The following REDIC1 variants were observed in gnomAD, a reference collection of about 807,000 sequenced individuals.
The protein encoded by REDIC1 is HEI10 Interacting Protein 1.
the REDIC1 span, among the ~76,000 whole-genome samples, chr12:39,891,703 A>C: frequency 6.6e-6 from 1 of 152,132 alleles, no homozygotes; most frequent in Non-Finnish European, 1.5e-5. Context: ...TGGCTCAGAG[A>C]AGTTATGAAC....
chr12:39,706,752 G>T, the REDIC1 span, among the ~76,000 whole-genome samples: 1 of 152,034 alleles, frequency 6.6e-6, no homozygotes, highest in South Asian at 2.1e-4. Context: ...AACATGCACT[G>T]GGAAAAGACA....
At chr12:39,754,964 T>C in the REDIC1 span, 11 of 152,094 alleles carry the variant, frequency 7.2e-5, no homozygotes, top group African/African-American at 1.9e-4. Context: ...GCTTTAACTA[T>C]CATCTAACCT....
At chr12:39,672,989 A>G in the REDIC1 span, among the ~76,000 whole-genome samples, 3 of 152,072 alleles carry the variant, frequency 2.0e-5, no homozygotes, top group Non-Finnish European at 4.4e-5. Context: ...CTCAGAGCCC[A>G]TGAGGGTTGA....
chr12:39,660,093 T>C, the REDIC1 span, among the ~76,000 whole-genome samples: 1 of 152,186 alleles, frequency 6.6e-6, no homozygotes, highest in African/African-American at 2.4e-5. Context: ...TTTTCCCCCC[T>C]AGTGAGCTCC....
the REDIC1 span, among the ~76,000 whole-genome samples, chr12:39,871,229 A>G: frequency 1.3e-5 from 2 of 152,222 alleles, no homozygotes; most frequent in Non-Finnish European, 2.9e-5. Context: ...GGGAATTAAA[A>G]AAAAGGTTTT....
the REDIC1 span, among the ~76,000 whole-genome samples, chr12:39,727,606 C>G: frequency 6.7e-6 from 1 of 149,210 alleles, no homozygotes; most frequent in East Asian, 2.0e-4. Context: ...GCTATACGGG[C>G]TCTTTTTTGG....
chr12:39,725,906 T>G, the REDIC1 span, among the ~76,000 whole-genome samples: 1 of 152,014 alleles, frequency 6.6e-6, no homozygotes, highest in Non-Finnish European at 1.5e-5. Flanking sequence ...TTGTGTATTA[T>G]GTGGTTCAGT....
the REDIC1 span, among the ~76,000 whole-genome samples, chr12:39,679,287 C>G: frequency 5.8e-4 from 89 of 152,294 alleles, no homozygotes; most frequent in Non-Finnish European, 1.0e-3. Context: ...GCTCCTAGAT[C>G]TGATAAATGG....
chr12:39,803,205 A>G, the REDIC1 span, among the ~76,000 whole-genome samples: 1 of 87,534 alleles, frequency 1.1e-5, no homozygotes, highest in South Asian at 4.7e-4. Flanking sequence ...AAGCAAATGC[A>G]AAAAAAAAAA....
chr12:39,869,819 C>T, the REDIC1 span, among the ~76,000 whole-genome samples: 1 of 152,178 alleles, frequency 6.6e-6, no homozygotes, highest in Admixed American at 6.5e-5. Context: ...GCAACAAAGG[C>T]TCACTCTTTG....
At chr12:39,877,775 C>T in the REDIC1 span, among the ~76,000 whole-genome samples, 1 of 152,114 alleles carries the variant, frequency 6.6e-6, no homozygotes, top group African/African-American at 2.4e-5. Flanking sequence ...AACCTTTATG[C>T]AGTAGTTTGA....
At chr12:39,626,397 A>G in the REDIC1 span, 1 of 1,613,526 alleles carries the variant, frequency 6.2e-7, no homozygotes, top group South Asian at 1.1e-5. Context: ...TGGGACATTC[A>G]TTCCTACGAC....
chr12:39,809,474 T>C, the REDIC1 span, among the ~76,000 whole-genome samples: 3 of 152,196 alleles, frequency 2.0e-5, no homozygotes, highest in Non-Finnish European at 4.4e-5. Context: ...TGAGTTGATC[T>C]AGAGATCAAC....
At chr12:39,860,954 G>A in the REDIC1 span, among the ~76,000 whole-genome samples, 7 of 152,110 alleles carry the variant, frequency 4.6e-5, no homozygotes, top group Admixed American at 1.3e-4. Context: ...ATGGATTTAC[G>A]TTCTTAGACT....
chr12:39,833,828 T>C, the REDIC1 span, among the ~76,000 whole-genome samples: 73 of 149,118 alleles, frequency 4.9e-4, no homozygotes, highest in Admixed American at 3.3e-3. Context: ...TGCTGCTCCA[T>C]AATATGGCAC....
the REDIC1 span, among the ~76,000 whole-genome samples, chr12:39,680,750 G>A: frequency 2.8e-5 from 4 of 143,032 alleles, no homozygotes; most frequent in African/African-American, 1.0e-4. Context: ...CCAATGAGTG[G>A]GTGAAGAAAA....
chr12:39,682,564 A>G, the REDIC1 span: 1 of 1,405,350 alleles, frequency 7.1e-7, no homozygotes, highest in Non-Finnish European at 9.5e-7. Flanking sequence ...TCTAAATGCA[A>G]ATAATCCATG....
the REDIC1 span, chr12:39,648,025 A>T: frequency 8.1e-7 from 1 of 1,235,470 alleles, no homozygotes. Context: ...TTATATTTTC[A>T]TGAAACTCTT....
the REDIC1 span, among the ~76,000 whole-genome samples, chr12:39,873,359 C>A: frequency 6.6e-6 from 1 of 152,276 alleles, no homozygotes; most frequent in Middle Eastern, 3.4e-3. Flanking sequence ...ATTATGAAAA[C>A]AATTCATTCC....
Sources: allele counts gnomAD v4.1 joint callset (sites outside exome capture counted in the v4.1 genomes callset), GRCh38; gene constraint gnomAD v4.1.1; transcripts MANE v1.5; gene names NCBI Gene and HGNC (gene_info 2026-07-23, HGNC 2026-07-21).